Variants in GAB4 observed in about 807,000 individuals in gnomAD.
GAB4 encodes the protein GRB2 associated binding protein family member 4.
Under a neutral mutation model 51.3 loss-of-function variants are expected in GAB4, and 26 were observed. The observed-to-expected ratio is 0.51, with a 90% CI of 0.37 to 0.70. The LOEUF (loss-of-function observed/expected upper bound fraction) is 0.70. GAB4 is among the 30% of genes least tolerant of loss of function. GAB4 has a pLI of 0.00. For synonymous variants in GAB4, 329 were observed against 291.2 expected (o/e 1.13, Z -1.32); for missense variants, 759 against 734.6 (o/e 1.03, Z -0.38).
At chr22:16,990,056 C>T (rs569861419) in intron 2 of GAB4, among the ~76,000 whole-genome samples, 61 of 152,320 alleles carry the variant, frequency 4.0e-4, no homozygotes, top group African/African-American at 1.4e-3. Context: ...GTCCACTGCA[C>T]TCTCTAAGCC....
chr22:16,963,433 T>C (rs1398812647), intron 9 of GAB4, among the ~76,000 whole-genome samples: 1 of 152,090 alleles, frequency 6.6e-6, no homozygotes, highest in African/African-American at 2.4e-5. Context: ...TGGAGCCAGG[T>C]TGCCGGTCCT....
intron 6 of GAB4, 89 bp from the exon 7 acceptor site, chr22:16,965,357 G>T: frequency 1.0e-6 from 1 of 990,476 alleles, no homozygotes; most frequent in South Asian, 1.3e-5. Flanking sequence ...GCTTAGAAAG[G>T]CCCACCCCGT....
rs1380842295 is a variant in GAB4, at chr22:16,962,288, A to G, written c.*445T>C. ...TTTAACCTTCCTTCTCAACTATTCC[A>G]ACGTTTGATGGCCTTGCCTCTCCCC... On this transcript the variant is annotated 3_prime_UTR_variant, in exon 10 of 10. Coordinates refer to ENST00000400588, the MANE Select transcript of GAB4 (RefSeq NM_001037814.1). 4.5e-5 allele frequency: 7 copies of G among 154,370 alleles called. No individual in the cohort carries two copies. The highest frequency in any genetic ancestry group is 1.7e-4 in the African/African-American group (7 of 41,488). 9.6% of individuals were successfully genotyped at this position (154,370 alleles called of 1,614,324 possible).
intron 3 of GAB4, among the ~76,000 whole-genome samples, chr22:16,975,097 C>T (rs886343328): frequency 2.0e-5 from 3 of 152,180 alleles, no homozygotes; most frequent in Admixed American, 1.3e-4. Flanking sequence ...GGGCAGACTC[C>T]GAGCTAGCTG....
intron 1 of GAB4, among the ~76,000 whole-genome samples, chr22:17,002,652 G>A (rs964199792): frequency 1.3e-5 from 2 of 152,062 alleles, no homozygotes; most frequent in African/African-American, 4.8e-5. Context: ...TCACAGGAAG[G>A]GGAACATCAC....
Position 16,994,851 on chromosome 22 carries a change from GC to G in GAB4, c.175-2676del, listed in dbSNP as rs768087597. Among the ~76,000 whole-genome samples, 3 of 152,122 alleles carry G rather than the reference GC, an allele frequency of 2.0e-5. No individual in the cohort carries two copies. The East Asian group carries it at 5.8e-4, about 29-fold the overall frequency. ...AAAAGTCATACGCACAGACATCCTT[GC>G]TTTGTTCATGATCTTAGGGTAAAAC... On this transcript the variant is annotated intron_variant, in intron 1 of 9. Coordinates refer to ENST00000400588, the MANE Select transcript of GAB4 (RefSeq NM_001037814.1).
At chr22:16,975,317 TG>T (rs916330071) in intron 3 of GAB4, among the ~76,000 whole-genome samples, 1 of 152,128 alleles carries the variant, frequency 6.6e-6, no homozygotes, top group African/African-American at 2.4e-5. Context: ...CACTGAAGCT[TG>T]GTGGGGGTAG....
Position 16,962,829 on chromosome 22 carries a change from C to A in GAB4, c.1629G>T (p.Gln543His). ...VTSGKKVDYV[Q>H]VDLEKTQALQ... Reference sequence around the variant, plus strand: ...GGGCCTGGGTCTTCTCCAGATCCACCTGGACATAGTCCACCTTCTTGCCGG... The same window carrying A: ...GGGCCTGGGTCTTCTCCAGATCCACATGGACATAGTCCACCTTCTTGCCGG... The change falls in exon 10 of 10, where the codon CAG becomes CAT. Residue 543 changes from glutamine to histidine, a missense_variant. Gln to His is a conservative substitution (Grantham distance 24). This residue lies in a region of GAB4 where 588 missense variants were observed against 510.2 expected (regional missense o/e 1.15). Transcript: ENST00000400588. The A allele has an allele frequency of 6.2e-7, 1 of 1,613,744 alleles. No individual in the cohort carries two copies. Among genetic ancestry groups the A allele is most frequent in the Non-Finnish European group, 8.5e-7 (1 of 1,179,886 alleles).
chr22:16,970,237 C>T lies in GAB4; in HGVS notation c.687-44G>A, dbSNP rs758181649. Reference sequence around the variant, plus strand: ...GGAAGGGGCAGGGGTGAGAGGAGGCCAGGACTGCCCCAGGGAGGCAGGCGG... The same window carrying T: ...GGAAGGGGCAGGGGTGAGAGGAGGCTAGGACTGCCCCAGGGAGGCAGGCGG... On this transcript the variant is annotated intron_variant, in intron 3 of 9. Coordinates refer to ENST00000400588, the MANE Select transcript of GAB4 (RefSeq NM_001037814.1). 5 of 1,606,646 alleles carry T rather than the reference C, an allele frequency of 3.1e-6. No individual in the cohort carries two copies. In the Admixed American group the frequency reaches 6.7e-5, roughly 22 times the overall value.
At chr22:16,968,481 C>A in intron 4 of GAB4, 98 bp from the exon 5 acceptor site, 1 of 822,034 alleles carries the variant, frequency 1.2e-6, no homozygotes, top group South Asian at 1.4e-5. Flanking sequence ...CGCTGATGCT[C>A]TAGAGGACAC....
chr22:17,001,950 G>A (rs1022221356), intron 1 of GAB4, among the ~76,000 whole-genome samples: 2 of 152,190 alleles, frequency 1.3e-5, no homozygotes, highest in Non-Finnish European at 2.9e-5. Context: ...ATGGGCATGG[G>A]ACCCCCCGAG....
In GAB4 at chr22:16,989,305, G is replaced by C. The variant is rs576154804; in HGVS notation, c.479-1138C>G. On this transcript the variant is annotated intron_variant, in intron 2 of 9. Coordinates refer to ENST00000400588, the MANE Select transcript of GAB4 (RefSeq NM_001037814.1). ...GTGGTGTTGATGGTGGCTTTCTAAG[G>C]GTTCTTCAAGTCATATCAGAGGGGG... Among the ~76,000 whole-genome samples the C allele has an allele frequency of 1.3e-4, 20 of 152,312 alleles. No homozygotes were observed. In the Middle Eastern group the frequency reaches 0.014, roughly 104 times the overall value.
chr22:17,000,705 C>T (rs572001449), intron 1 of GAB4, among the ~76,000 whole-genome samples: 3 of 152,218 alleles, frequency 2.0e-5, no homozygotes, highest in Admixed American at 6.5e-5. Context: ...TTATTTTGCT[C>T]GTTAGTTGAT....
intron 1 of GAB4, among the ~76,000 whole-genome samples, chr22:17,004,869 T>C (rs894387029): frequency 6.6e-6 from 1 of 152,122 alleles, no homozygotes; most frequent in Admixed American, 6.6e-5. Context: ...AATACGTTAT[T>C]TATGACAAAC....
intron 3 of GAB4, among the ~76,000 whole-genome samples, chr22:16,978,587 G>A (rs186911834): frequency 1.4e-3 from 211 of 152,214 alleles, no homozygotes; most frequent in African/African-American, 4.5e-3. Flanking sequence ...ATTCACAGCC[G>A]AATTCTAGCA....
At position 17,006,837 on chromosome 22, in the gene GAB4, T is replaced by C. The variant is rs189259705; in HGVS notation, c.174+1104A>G. 3.4e-4 allele frequency among the ~76,000 whole-genome samples: 52 copies of C among 152,134 alleles called. No homozygotes were observed. In the South Asian group the frequency reaches 6.3e-3, roughly 18 times the overall value. On this transcript the variant is annotated intron_variant, in intron 1 of 9. Transcript: ENST00000400588. Reference sequence around the variant, plus strand: ...ACATATGGGCACAGGGACGGGAGCATTACACAATGTGGCCTATTGGGGTTG... The same window carrying C: ...ACATATGGGCACAGGGACGGGAGCACTACACAATGTGGCCTATTGGGGTTG...
At chr22:17,005,312 T>G (rs536219161) in intron 1 of GAB4, among the ~76,000 whole-genome samples, 1 of 152,232 alleles carries the variant, frequency 6.6e-6, no homozygotes, top group Admixed American at 6.5e-5. Flanking sequence ...AAGGACTTCT[T>G]CAAGAAGAAC....
chr22:16,991,846 G>A (rs1292522075), intron 2 of GAB4, 27 bp downstream of exon 2: 1 of 1,572,126 alleles, frequency 6.4e-7, no homozygotes. Flanking sequence ...AGCCCCTCCT[G>A]AGACAGGGCT....
At chr22:16,978,418 A>AGGTGTT (rs1294944789) in intron 3 of GAB4, among the ~76,000 whole-genome samples, 11 of 152,326 alleles carry the variant, frequency 7.2e-5, no homozygotes, top group African/African-American at 2.4e-4. Flanking sequence ...ATGCAAATAA[A>AGGTGTT]CTAGAAAATC....
Sources: allele counts gnomAD v4.1 joint callset (sites outside exome capture counted in the v4.1 genomes callset), GRCh38; gene constraint gnomAD v4.1.1; regional missense constraint gnomAD v4.1.1; transcripts MANE v1.5; gene names NCBI Gene and HGNC (gene_info 2026-07-23, HGNC 2026-07-21).